ARHGAP21: variants seen among roughly 807,000 people sequenced by gnomAD.
ARHGAP21 encodes rho GTPase-activating protein 21.
Under a neutral mutation model 164.6 loss-of-function variants are expected in ARHGAP21, and 38 were observed. The observed-to-expected ratio is 0.23, with a 90% CI of 0.18 to 0.30. The LOEUF is 0.30. ARHGAP21 is among the 10% of genes least tolerant of loss of function. The probability of loss-of-function intolerance (pLI) is 1.00; values close to 1 mark genes in which losing one functional copy is unlikely to be tolerated. For synonymous variants in ARHGAP21, 766 were observed against 857.9 expected, an observed-to-expected ratio of 0.89 and a Z score of 1.87; for missense variants, 1,822 against 2,370.7, an observed-to-expected ratio of 0.77 and a Z score of 4.81.
chr10:24,680,987 GAAT>G (rs1841708991), intron 2 of ARHGAP21, among the ~76,000 whole-genome samples: 1 of 152,042 alleles, frequency 6.6e-6, no homozygotes, highest in Non-Finnish European at 1.5e-5. Context: ...TCATTTGATT[GAAT>G]AATAACTCAA....
intron 2 of ARHGAP21, among the ~76,000 whole-genome samples, chr10:24,702,352 C>T (rs1045800179): frequency 6.6e-6 from 1 of 151,650 alleles, no homozygotes; most frequent in Admixed American, 6.6e-5. Flanking sequence ...AGGATGGTCT[C>T]GATCTCCTGA....
At chr10:24,639,037 G>A (rs1032914034) in intron 4 of ARHGAP21, among the ~76,000 whole-genome samples, 12 of 152,044 alleles carry the variant, frequency 7.9e-5, no homozygotes, top group African/African-American at 2.4e-4. Flanking sequence ...TTATATATAG[G>A]TAGTAGCTGC....
chr10:24,697,925 A>C (rs1431289177), intron 2 of ARHGAP21, among the ~76,000 whole-genome samples: 3 of 152,198 alleles, frequency 2.0e-5, no homozygotes, highest in Non-Finnish European at 4.4e-5. Context: ...TCAACTAAAG[A>C]GCCAGTAGTG....
chr10:24,596,194 T>A (rs1470652650), intron 17 of ARHGAP21, 151 bp from the exon 18 acceptor site: 7 of 631,154 alleles, frequency 1.1e-5, no homozygotes, highest in Non-Finnish European at 1.5e-5. Context: ...TGGGAATAGA[T>A]AAAACCTGCA....
Position 24,595,210 on chromosome 10 carries a change from A to G in ARHGAP21, c.3713-20T>C, listed in dbSNP as rs1448236416. 1 of 1,591,436 alleles carries G rather than the reference A, an allele frequency of 6.3e-7. No individual in the cohort carries two copies. The highest frequency in any genetic ancestry group is 1.4e-5 in the African/African-American group (1 of 73,924). On this transcript the variant is annotated intron_variant, in intron 19 of 25. Transcript: ENST00000396432. ...ATTTATCTGACGACAAGAACAATAA[A>G]ACAAATTTATCTTAAATTGCCTAGG...
At chr10:24,696,109 A>G (rs1374345741) in intron 2 of ARHGAP21, among the ~76,000 whole-genome samples, 1 of 152,268 alleles carries the variant, frequency 6.6e-6, no homozygotes, top group African/African-American at 2.4e-5. Context: ...GTGAAACAAT[A>G]GTTTCCAGGC....
At chr10:24,616,686 T>A (rs1042368900) in intron 9 of ARHGAP21, among the ~76,000 whole-genome samples, 9 of 152,000 alleles carry the variant, frequency 5.9e-5, no homozygotes, top group African/African-American at 2.2e-4. Context: ...TCGTAGCATT[T>A]TTGTATTACT....
At chr10:24,599,989 C>T (rs936231357) in intron 14 of ARHGAP21, among the ~76,000 whole-genome samples, 1 of 151,912 alleles carries the variant, frequency 6.6e-6, no homozygotes, top group Admixed American at 6.6e-5. Context: ...AAAAATTAGC[C>T]GGGCATGGTG....
At position 24,665,332 on chromosome 10, in the gene ARHGAP21, C is replaced by T. The variant is rs1840084570; in HGVS notation, c.268+1653G>A. On this transcript the variant is annotated intron_variant, in intron 4 of 25. Transcript: ENST00000396432. ...CAAAAAAAAAAAAGGCCATTTCCTTCTCATTTTAACTCATAACCTTTTCAA... is the reference window on the plus strand; with the variant it reads ...CAAAAAAAAAAAAGGCCATTTCCTTTTCATTTTAACTCATAACCTTTTCAA... Among the ~76,000 whole-genome samples the T allele has an allele frequency of 4.6e-5, 7 of 151,754 alleles. No homozygotes were observed. The South Asian group carries it at 1.5e-3, about 32-fold the overall frequency.
At chr10:24,685,004 T>C (rs1402563052) in intron 2 of ARHGAP21, among the ~76,000 whole-genome samples, 1 of 152,192 alleles carries the variant, frequency 6.6e-6, no homozygotes, top group Non-Finnish European at 1.5e-5. Context: ...CTGCTTTATA[T>C]ACACTTTAGT....
At chr10:24,604,980 T>C (rs980605772) in intron 11 of ARHGAP21, among the ~76,000 whole-genome samples, 1 of 152,214 alleles carries the variant, frequency 6.6e-6, no homozygotes, top group Non-Finnish European at 1.5e-5. Flanking sequence ...ATAAACTTTT[T>C]TTAAACTCAA....
Position 24,644,973 on chromosome 10 carries a change from T to C in ARHGAP21, c.269-9870A>G, listed in dbSNP as rs138069574. Among the ~76,000 whole-genome samples, 231 of 152,272 alleles carry C rather than the reference T, an allele frequency of 1.5e-3. 5 individuals carry two copies. In the East Asian group the frequency reaches 0.038, roughly 25 times the overall value. ...CATCAGAAATGCAACTTATCCCAAA[T>C]TAAACTCATTTCTCCAGAGGAAGGA... On this transcript the variant is annotated intron_variant, in intron 4 of 25. Coordinates refer to ENST00000396432, the MANE Select transcript of ARHGAP21 (RefSeq NM_020824.4).
In ARHGAP21 at chr10:24,585,818, T is replaced by C. The variant is rs373586817; in HGVS notation, c.4471A>G (p.Ile1491Val). The C allele has an allele frequency of 3.7e-6, 6 of 1,613,954 alleles. No homozygotes were observed. The highest frequency in any genetic ancestry group is 4.5e-5 in the East Asian group (2 of 44,880). Residue 1491 changes from isoleucine (I) to valine (V), a missense_variant, in exon 26 of 26, where the codon ATA (isoleucine) becomes GTA (valine). Coordinates refer to ENST00000396432, the MANE Select transcript of ARHGAP21 (RefSeq NM_020824.4). ...GGCGTGCTCTCTTTTCCTAGTGATA[T>C]CTTTTCATCTTTTGTCGTGCTGGGG... ...KDPSTTKDEK[I>V]SLGKESTPSE...
In ARHGAP21 at chr10:24,700,464, A is replaced by G. The variant is rs144078276; in HGVS notation, c.63+21373T>C. 9.3e-3 allele frequency among the ~76,000 whole-genome samples: 1,412 copies of G among 152,312 alleles called. 47 individuals are homozygous for G. Among genetic ancestry groups the G allele is most frequent in the Admixed American group, 0.031 (473 of 15,306 alleles). On this transcript the variant is annotated intron_variant, in intron 2 of 25. Transcript: ENST00000396432. ...GCAAAACCCTCGGAGTTCTCAGCCT[A>G]AAGTCCAATTTCCAGGCTCCCTAAC... is the stretch of plus-strand genomic sequence containing the variant.
At chr10:24,720,610 A>G (rs1322786826) in intron 2 of ARHGAP21, among the ~76,000 whole-genome samples, 6 of 152,248 alleles carry the variant, frequency 3.9e-5, no homozygotes, top group Non-Finnish European at 8.8e-5. Context: ...TTTTCTGCAT[A>G]AACTTTCTAA....
chr10:24,679,817 T>C (rs1412939833), intron 2 of ARHGAP21, among the ~76,000 whole-genome samples: 2 of 152,226 alleles, frequency 1.3e-5, no homozygotes, highest in East Asian at 3.8e-4. Context: ...AGTTTCAGGG[T>C]ACATGTGCAC....
chr10:24,613,980 G>A (rs1256960820), intron 9 of ARHGAP21, among the ~76,000 whole-genome samples: 1 of 152,194 alleles, frequency 6.6e-6, no homozygotes, highest in Non-Finnish European at 1.5e-5. Context: ...ATGGGCCAGT[G>A]TACAAGCGTG....
chr10:24,586,814 G>A (rs1259582537), intron 25 of ARHGAP21, among the ~76,000 whole-genome samples: 3 of 152,194 alleles, frequency 2.0e-5, no homozygotes, highest in Non-Finnish European at 4.4e-5. Context: ...TTGGGAGGCT[G>A]AGGCGGGCAG....
intron 2 of ARHGAP21, among the ~76,000 whole-genome samples, chr10:24,685,716 A>C (rs891274659): frequency 3.9e-5 from 6 of 152,162 alleles, no homozygotes; most frequent in African/African-American, 7.2e-5. Flanking sequence ...TCTCTACTAG[A>C]AATACAAAAA....
Sources: gnomAD v4.1 joint callset for allele counts (sites outside exome capture counted in the v4.1 genomes callset) on GRCh38, gnomAD v4.1.1 for gene constraint, MANE v1.5 for transcripts, NCBI Gene and HGNC (gene_info 2026-07-23, HGNC 2026-07-21) for gene names.